Variants in CACNB2 observed in about 807,000 individuals in gnomAD.
CACNB2 encodes calcium voltage-gated channel auxiliary subunit beta 2.
In CACNB2, 42 loss-of-function variants were observed where a neutral mutation model predicts 73.3. That is an observed-to-expected ratio of 0.57 (90% CI 0.45 to 0.74). The LOEUF is 0.74. Ranked by LOEUF, CACNB2 falls within the 30% of genes least tolerant of loss-of-function variation. The pLI, the probability that CACNB2 is intolerant of heterozygous loss-of-function variation, is 0.00. For missense variants in CACNB2, 940 were observed against 853.0 expected, an observed-to-expected ratio of 1.10 and a Z score of -1.27; for synonymous variants, 348 against 310.3, an observed-to-expected ratio of 1.12 and a Z score of -1.28.
At chr10:18,208,479 G>A (rs2035186626) in intron 2 of CACNB2, among the ~76,000 whole-genome samples, 2 of 151,980 alleles carry the variant, frequency 1.3e-5, no homozygotes, top group African/African-American at 2.4e-5. Flanking sequence ...GGGTGTGGTG[G>A]TGCACACCTG....
At chr10:18,417,034 A>T (rs1413763758) in intron 3 of CACNB2, among the ~76,000 whole-genome samples, 1 of 145,154 alleles carries the variant, frequency 6.9e-6, no homozygotes, top group Non-Finnish European at 1.5e-5. Flanking sequence ...AAAGTGCATT[A>T]AAAAAAAAAA....
At chr10:18,246,029 G>A (rs1031475941) in intron 2 of CACNB2, among the ~76,000 whole-genome samples, 12 of 152,088 alleles carry the variant, frequency 7.9e-5, no homozygotes, top group East Asian at 1.9e-4. Context: ...CCTGGAACCC[G>A]GAGAACAGCT....
At chr10:18,274,467 AC>A (rs2038191638) in intron 2 of CACNB2, among the ~76,000 whole-genome samples, 2 of 152,166 alleles carry the variant, frequency 1.3e-5, no homozygotes. Flanking sequence ...AGAATTTCTC[AC>A]CTTGTATGTA....
chr10:18,253,484 G>C lies in CACNB2; in HGVS notation c.213+102509G>C, dbSNP rs77221359. ...CAAAGAGGAAATCAAAATTGCTGCTGGGAAATATTTTATCCTGTTATCATC... is the reference window on the plus strand; with the variant it reads ...CAAAGAGGAAATCAAAATTGCTGCTCGGAAATATTTTATCCTGTTATCATC... On this transcript the variant is annotated intron_variant, in intron 2 of 13. Transcript: ENST00000324631. 2.3e-3 allele frequency among the ~76,000 whole-genome samples: 357 copies of C among 152,136 alleles called. 9 individuals carry two copies. The East Asian group carries it at 0.052, about 22-fold the overall frequency.
At chr10:18,313,589 A>G (rs1224065983) in intron 2 of CACNB2, among the ~76,000 whole-genome samples, 1 of 151,944 alleles carries the variant, frequency 6.6e-6, no homozygotes, top group African/African-American at 2.4e-5. Context: ...ATATCTCAAC[A>G]CTTCCTTTTC....
At chr10:18,240,307 A>T (rs1041570251) in intron 2 of CACNB2, among the ~76,000 whole-genome samples, 1 of 152,160 alleles carries the variant, frequency 6.6e-6, no homozygotes. Context: ...ATCGCTAAAC[A>T]TCTTTTCTTC....
chr10:18,236,863 T>C (rs536056899), intron 2 of CACNB2, among the ~76,000 whole-genome samples: 3 of 152,198 alleles, frequency 2.0e-5, no homozygotes, highest in Admixed American at 6.5e-5. Flanking sequence ...AGGATCTCCT[T>C]TGGGGGACTG....
At chr10:18,484,730 A>G (rs572945667) in intron 3 of CACNB2, among the ~76,000 whole-genome samples, 1 of 152,336 alleles carries the variant, frequency 6.6e-6, no homozygotes, top group East Asian at 1.9e-4. Context: ...TCAACCACGC[A>G]GTGCTGGATT....
At chr10:18,260,448 G>C in intron 2 of CACNB2, 1 of 985,404 alleles carries the variant, frequency 1.0e-6, no homozygotes, top group Non-Finnish European at 1.2e-6. Context: ...ACATTTGCCA[G>C]CGAGCACCAA....
At chr10:18,246,969 CT>C (rs2036885803) in intron 2 of CACNB2, among the ~76,000 whole-genome samples, 1 of 152,142 alleles carries the variant, frequency 6.6e-6, no homozygotes, top group Non-Finnish European at 1.5e-5. Context: ...TTTTGCCTGC[CT>C]TGCATACCCC....
chr10:18,266,917 A>G (rs1159766785), intron 2 of CACNB2, among the ~76,000 whole-genome samples: 1 of 152,176 alleles, frequency 6.6e-6, no homozygotes, highest in Non-Finnish European at 1.5e-5. Context: ...TGAGCTATAC[A>G]CTTATATATG....
At chr10:18,272,150 A>G (rs1328148208) in intron 2 of CACNB2, among the ~76,000 whole-genome samples, 1 of 151,546 alleles carries the variant, frequency 6.6e-6, no homozygotes, top group African/African-American at 2.4e-5. Flanking sequence ...TTTTCTTTGG[A>G]GCAGATATGA....
chr10:18,408,076 C>T (rs1396800331), intron 3 of CACNB2, among the ~76,000 whole-genome samples: 2 of 151,954 alleles, frequency 1.3e-5, no homozygotes, highest in Non-Finnish European at 2.9e-5. Flanking sequence ...AGTGGAAGCA[C>T]CTATTGTAGA....
At chr10:18,436,969 C>A (rs1449862162) in intron 3 of CACNB2, among the ~76,000 whole-genome samples, 1 of 152,164 alleles carries the variant, frequency 6.6e-6, no homozygotes, top group Non-Finnish European at 1.5e-5. Flanking sequence ...TTTTGAACAA[C>A]AATGTGCTGC....
chr10:18,208,842 C>A (rs2035205185), intron 2 of CACNB2, among the ~76,000 whole-genome samples: 1 of 151,914 alleles, frequency 6.6e-6, no homozygotes, highest in Non-Finnish European at 1.5e-5. Flanking sequence ...AGAGAAAGCC[C>A]CTGAACACGT....
chr10:18,361,314 G>T (rs781240793), intron 2 of CACNB2, among the ~76,000 whole-genome samples: 1 of 148,466 alleles, frequency 6.7e-6, no homozygotes, highest in Non-Finnish European at 1.5e-5. Flanking sequence ...ACTTAATGAA[G>T]CCCTGTCTCT....
chr10:18,343,665 A>G (rs1201141518), intron 2 of CACNB2, among the ~76,000 whole-genome samples: 1 of 152,166 alleles, frequency 6.6e-6, no homozygotes, highest in African/African-American at 2.4e-5. Context: ...TGAAATCCCA[A>G]ACTGTGATAC....
At chr10:18,308,274 G>A (rs140664755) in intron 2 of CACNB2, among the ~76,000 whole-genome samples, 2 of 152,048 alleles carry the variant, frequency 1.3e-5, no homozygotes, top group African/African-American at 2.4e-5. Flanking sequence ...GATTATAGGC[G>A]TGAACCACCA....
intron 9 of CACNB2, among the ~76,000 whole-genome samples, chr10:18,522,301 A>G (rs918003933): frequency 6.6e-6 from 1 of 152,122 alleles, no homozygotes; most frequent in Admixed American, 6.5e-5. Flanking sequence ...AAAGTACACA[A>G]TAAATGTAAT....
Sources: allele counts gnomAD v4.1 joint callset (sites outside exome capture counted in the v4.1 genomes callset), GRCh38; gene constraint gnomAD v4.1.1; transcripts MANE v1.5; gene names NCBI Gene and HGNC (gene_info 2026-07-23, HGNC 2026-07-21).